The following PCDHGA12 variants were observed in gnomAD, a reference collection of about 807,000 sequenced individuals.
PCDHGA12 encodes protocadherin gamma subfamily A, 12.
A neutral mutation model predicts 61.1 loss-of-function variants in PCDHGA12; 43 were observed. That is an observed-to-expected ratio of 0.70 (90% CI 0.55 to 0.91). PCDHGA12 has a LOEUF of 0.91. Among genes scored for constraint, PCDHGA12 ranks in the 40% least tolerant of loss-of-function variants. PCDHGA12 has a pLI of 0.00. For synonymous variants in PCDHGA12, 520 were observed against 542.9 expected (o/e 0.96, Z 0.59); for missense variants, 1,236 against 1,227.7 (o/e 1.01, Z -0.10).
At position 141,477,572 on chromosome 5, in the gene PCDHGA12, G is replaced by A. The variant is rs375416133; in HGVS notation, c.2425-17235G>A. The A allele has an allele frequency of 6.2e-7, 1 of 1,614,112 alleles. No homozygotes were observed. The highest frequency in any genetic ancestry group is 8.5e-7 in the Non-Finnish European group (1 of 1,180,030). On this transcript the variant is annotated intron_variant, in intron 1 of 3. Coordinates refer to ENST00000252085, the MANE Select transcript of PCDHGA12 (RefSeq NM_003735.3). This position sits in a 1 kb window ranked among gnomAD's most constrained non-coding sequence, Gnocchi z 4.9. ...AAACCTAAGTGTCTGGGACCCCGAC[G>A]CCCCGCAGAATGCTCGGCTTTCTTT...
intron 1 of PCDHGA12, among the ~76,000 whole-genome samples, chr5:141,449,229 A>G (rs1356585763): frequency 1.3e-5 from 2 of 152,142 alleles, no homozygotes; most frequent in South Asian, 2.1e-4. Context: ...AATGATTTCA[A>G]ATTTTCAAAG....
In PCDHGA12 at chr5:141,432,967, G is replaced by T; in HGVS notation, c.2208G>T (p.Pro736=). ...CAGGAGGCGGCTTGACAGGAGCGCC[G>T]GCGTCGCACTTTGTGGGCGTGGACG... The part of the protein sequence containing the change: ...QASGGGLTGA[P]ASHFVGVDGV... The change falls in exon 1 of 4, where the codon CCG becomes CCT. Residue 736 remains proline (P), a synonymous_variant. Coordinates refer to ENST00000252085, the MANE Select transcript of PCDHGA12 (RefSeq NM_003735.3). The surrounding 1 kb of genome is among the most constrained non-coding windows in gnomAD (Gnocchi z 6.0). 1 of 1,614,190 alleles carries T rather than the reference G, an allele frequency of 6.2e-7. No homozygotes were observed. The highest frequency in any genetic ancestry group is 2.2e-5 in the East Asian group (1 of 44,854).
intron 1 of PCDHGA12, among the ~76,000 whole-genome samples, chr5:141,464,426 GAT>G (rs1287556960): frequency 6.6e-6 from 1 of 151,096 alleles, no homozygotes; most frequent in African/African-American, 2.4e-5. Context: ...TATATATATA[GAT>G]ATATATGTTT....
At chr5:141,481,357 G>A (rs1399668487) in intron 1 of PCDHGA12, among the ~76,000 whole-genome samples, 1 of 152,176 alleles carries the variant, frequency 6.6e-6, no homozygotes, top group Non-Finnish European at 1.5e-5. Context: ...ATCTACAGCT[G>A]TTCAATAGAT....
chr5:141,441,700 T>TCAAG (rs1409793305), intron 1 of PCDHGA12: 1 of 308,660 alleles, frequency 3.2e-6, no homozygotes, highest in African/African-American at 2.3e-5. Context: ...CCGCGAGCCT[T>TCAAG]CAAGCTCACG....
intron 1 of PCDHGA12, among the ~76,000 whole-genome samples, chr5:141,439,495 C>A (rs142329128): frequency 6.6e-6 from 1 of 152,206 alleles, no homozygotes; most frequent in Non-Finnish European, 1.5e-5. Context: ...CAGTGAGAAA[C>A]GTCTTTCTCT....
At position 141,489,380 on chromosome 5, in the gene PCDHGA12, A is replaced by G. The variant is rs753226956; in HGVS notation, c.2425-5427A>G. ...TCTGAGCCGGGGACGCTGGTGGGGA[A>G]TGTTGCTCAGGATCTGGGCTTAAAG... is the stretch of plus-strand genomic sequence containing the variant. On this transcript the variant is annotated intron_variant, in intron 1 of 3. Transcript: ENST00000252085. The surrounding 1 kb of genome is among the most constrained non-coding windows in gnomAD (Gnocchi z 4.5). The G allele has an allele frequency of 1.9e-6, 3 of 1,613,874 alleles. No individual in the cohort carries two copies. Among genetic ancestry groups the G allele is most frequent in the Admixed American group, 1.7e-5 (1 of 60,026 alleles).
chr5:141,449,165 G>A (rs144669334), intron 1 of PCDHGA12, among the ~76,000 whole-genome samples: 3 of 152,234 alleles, frequency 2.0e-5, no homozygotes, highest in Admixed American at 1.3e-4. Context: ...GGAAATAGGT[G>A]TAATTTTCTT....
chr5:141,432,991 C>T lies in PCDHGA12; in HGVS notation c.2232C>T (p.Asp744=). ...GAPASHFVGV[D]GVQAFLQTYS... ...CGGCGTCGCACTTTGTGGGCGTGGA[C>T]GGGGTGCAGGCTTTCCTGCAGACCT... is the stretch of plus-strand genomic sequence containing the variant. Residue 744 remains aspartate (D), a synonymous_variant, in exon 1 of 4, where the codon GAC becomes GAT. Coordinates refer to ENST00000252085, the MANE Select transcript of PCDHGA12 (RefSeq NM_003735.3). This position sits in a 1 kb window ranked among gnomAD's most constrained non-coding sequence, Gnocchi z 6.0. 6.2e-7 allele frequency: 1 copy of T among 1,614,200 alleles called. No individual in the cohort carries two copies. The highest frequency in any genetic ancestry group is 8.5e-7 in the Non-Finnish European group (1 of 1,180,030).
chr5:141,460,333 G>A (rs2098986532), intron 1 of PCDHGA12, among the ~76,000 whole-genome samples: 1 of 152,056 alleles, frequency 6.6e-6, no homozygotes, highest in African/African-American at 2.4e-5. Context: ...AACTTATGAT[G>A]ATTTTCTCCT....
intron 1 of PCDHGA12, among the ~76,000 whole-genome samples, chr5:141,488,541 T>C (rs2099676694): frequency 6.6e-6 from 1 of 152,184 alleles, no homozygotes; most frequent in South Asian, 2.1e-4. Flanking sequence ...CTAAGTCCCA[T>C]GTCAGCTGAC....
At chr5:141,457,289 G>C (rs907200077) in intron 1 of PCDHGA12, among the ~76,000 whole-genome samples, 2 of 152,146 alleles carry the variant, frequency 1.3e-5, no homozygotes, top group African/African-American at 4.8e-5. Flanking sequence ...GAAGTTCCTT[G>C]GTTTTATTTT....
chr5:141,494,977 T>C, intron 2 of PCDHGA12, 112 bp downstream of exon 2: 1 of 1,574,332 alleles, frequency 6.4e-7, no homozygotes, highest in East Asian at 2.3e-5. Context: ...TCTCCCTCAG[T>C]TTGAGATCCC....
At chr5:141,459,829 G>A in intron 1 of PCDHGA12, among the ~76,000 whole-genome samples, 1 of 152,178 alleles carries the variant, frequency 6.6e-6, no homozygotes, top group East Asian at 1.9e-4. Flanking sequence ...AACTTTTCAT[G>A]TGTTGTCTAT....
At chr5:141,436,300 G>A (rs966232889) in intron 1 of PCDHGA12, among the ~76,000 whole-genome samples, 1 of 152,180 alleles carries the variant, frequency 6.6e-6, no homozygotes, top group African/African-American at 2.4e-5. Flanking sequence ...TTGAGAGTTA[G>A]AGCATGAATA....
intron 1 of PCDHGA12, among the ~76,000 whole-genome samples, chr5:141,458,339 T>A (rs1380637284): frequency 2.0e-5 from 3 of 150,846 alleles, no homozygotes; most frequent in Non-Finnish European, 3.0e-5. Context: ...TTTTAAGGAG[T>A]GGAGAGTTTA....
At chr5:141,506,191 C>T (rs932500250) in intron 3 of PCDHGA12, among the ~76,000 whole-genome samples, 8 of 152,182 alleles carry the variant, frequency 5.3e-5, no homozygotes, top group African/African-American at 1.9e-4. Flanking sequence ...TGGCTCACGC[C>T]TGTAATCCCA....
At chr5:141,510,366 T>A (rs1452829030) in intron 3 of PCDHGA12, among the ~76,000 whole-genome samples, 1 of 140,062 alleles carries the variant, frequency 7.1e-6, no homozygotes, top group Non-Finnish European at 1.6e-5. Context: ...AACTACCGAA[T>A]CTCTACTCGT....
chr5:141,478,409 G>A, intron 1 of PCDHGA12: 1 of 1,613,016 alleles, frequency 6.2e-7, no homozygotes, highest in South Asian at 1.1e-5. Flanking sequence ...TCTCACCACG[G>A]ACTCCCGCCG....
Sources: gnomAD v4.1 joint callset for allele counts (sites outside exome capture counted in the v4.1 genomes callset) on GRCh38, gnomAD v4.1.1 for gene constraint, Gnocchi (gnomAD v3.1) non-coding constraint, MANE v1.5 for transcripts, NCBI Gene and HGNC (gene_info 2026-07-23, HGNC 2026-07-21) for gene names.